PTPRO: variants seen among roughly 807,000 people sequenced by gnomAD.
PTPRO encodes receptor-type tyrosine-protein phosphatase O.
PTPRO carries 62 observed loss-of-function variants against 145.2 expected under a neutral mutation model. That is an observed-to-expected ratio of 0.43 (90% CI 0.35 to 0.53). The LOEUF is 0.53. PTPRO is among the 20% of genes least tolerant of loss of function. PTPRO has a pLI of 0.01. For missense variants in PTPRO, 1,345 were observed against 1,482.7 expected, an observed-to-expected ratio of 0.91 and a Z score of 1.53; for synonymous variants, 565 against 514.7, an observed-to-expected ratio of 1.10 and a Z score of -1.32.
At chr12:15,325,373 T>C (rs1866415773) in intron 1 of PTPRO, among the ~76,000 whole-genome samples, 1 of 152,242 alleles carries the variant, frequency 6.6e-6, no homozygotes, top group South Asian at 2.1e-4. Flanking sequence ...AAGAAGGTCT[T>C]TGTGCCATCG....
At chr12:15,580,161 A>G (rs1944279303) in intron 21 of PTPRO, 46 bp downstream of exon 21, 2 of 1,436,552 alleles carry the variant, frequency 1.4e-6, no homozygotes, top group Non-Finnish European at 9.7e-7. Context: ...AACCAGCCAG[A>G]GAAAGACTAG....
At chr12:15,428,182 G>A (rs1940335191) in intron 1 of PTPRO, among the ~76,000 whole-genome samples, 1 of 152,088 alleles carries the variant, frequency 6.6e-6, no homozygotes, top group Non-Finnish European at 1.5e-5. Flanking sequence ...AAGTGCTTTG[G>A]CAAAGGATGA....
chr12:15,414,356 A>G (rs1939885899), intron 1 of PTPRO, among the ~76,000 whole-genome samples: 1 of 152,224 alleles, frequency 6.6e-6, no homozygotes. Context: ...AAAGCATTCC[A>G]GAAGCATTCA....
intron 4 of PTPRO, among the ~76,000 whole-genome samples, chr12:15,500,586 A>C (rs1942200014): frequency 6.6e-6 from 1 of 152,156 alleles, no homozygotes; most frequent in Non-Finnish European, 1.5e-5. Context: ...AGAGGTACAA[A>C]GTTATTTAAC....
rs749869412 is a variant in PTPRO at position 15,551,631 on chromosome 12, A to G, written c.2518A>G (p.Thr840Ala). The change falls in exon 15 of 27, where the codon ACC becomes GCC. Residue 840 changes from threonine (T) to alanine (A), a missense_variant. Transcript: ENST00000281171. ...STLLIGLLLV[T>A]LIILRKKHLQ... ...ACTTTTAATTGGACTGTTGCTTGTT[A>G]CCCTCATTATTCTTAGGAAAAAGCA... 3 of 1,613,650 alleles carry G rather than the reference A, an allele frequency of 1.9e-6. No individual in the cohort carries two copies. Among genetic ancestry groups the G allele is most frequent in the African/African-American group, 1.3e-5 (1 of 75,014 alleles).
chr12:15,590,467 T>G (rs912907276), intron 25 of PTPRO, among the ~76,000 whole-genome samples: 2 of 152,198 alleles, frequency 1.3e-5, no homozygotes, highest in African/African-American at 4.8e-5. Flanking sequence ...TGGCCCGACC[T>G]GTAATCAGGG....
At chr12:15,367,584 T>A (rs1241361759) in intron 1 of PTPRO, among the ~76,000 whole-genome samples, 3 of 152,198 alleles carry the variant, frequency 2.0e-5, no homozygotes, top group Non-Finnish European at 4.4e-5. Context: ...TACAACTGTA[T>A]ACTTATGTTC....
At chr12:15,540,147 G>A (rs921323395) in intron 12 of PTPRO, among the ~76,000 whole-genome samples, 4 of 152,156 alleles carry the variant, frequency 2.6e-5, no homozygotes, top group Admixed American at 6.5e-5. Flanking sequence ...TTCAGACAGT[G>A]CTTTCTTTTG....
intron 8 of PTPRO, 59 bp downstream of exon 8, chr12:15,515,677 G>A (rs1270809332): frequency 2.5e-6 from 4 of 1,603,280 alleles, no homozygotes; most frequent in South Asian, 1.1e-5. Context: ...TGACGGAGGG[G>A]TGCAATGTGC....
chr12:15,496,830 C>A (rs577693810), intron 2 of PTPRO, among the ~76,000 whole-genome samples: 13 of 152,234 alleles, frequency 8.5e-5, no homozygotes, highest in Admixed American at 2.6e-4. Flanking sequence ...TGGTCTGTTA[C>A]TGATATCAAA....
At chr12:15,574,204 T>C (rs1396966105) in intron 19 of PTPRO, among the ~76,000 whole-genome samples, 10 of 152,188 alleles carry the variant, frequency 6.6e-5, no homozygotes. Context: ...ACTGAATAAA[T>C]TTCTTTTTTA....
At chr12:15,485,632 C>T (rs936216212) in intron 2 of PTPRO, among the ~76,000 whole-genome samples, 10 of 152,096 alleles carry the variant, frequency 6.6e-5, no homozygotes. Flanking sequence ...TAATGACGGT[C>T]GCTGATCCAA....
At chr12:15,333,150 G>A (rs1334912284) in intron 1 of PTPRO, among the ~76,000 whole-genome samples, 1 of 152,162 alleles carries the variant, frequency 6.6e-6, no homozygotes, top group African/African-American at 2.4e-5. Flanking sequence ...TGAGAAAAAT[G>A]CATGGCACAT....
intron 1 of PTPRO, among the ~76,000 whole-genome samples, chr12:15,332,777 A>C (rs1165353561): frequency 2.0e-5 from 3 of 152,076 alleles, no homozygotes; most frequent in Non-Finnish European, 4.4e-5. Flanking sequence ...TGTTTTGTTG[A>C]TTTGGTTTGG....
At chr12:15,509,871 A>C (rs4463894) in intron 7 of PTPRO, among the ~76,000 whole-genome samples, 102,030 of 151,326 alleles carry the variant, frequency 0.67, 34,943 homozygotes, top group Admixed American at 0.73. Context: ...ATATGCCAGA[A>C]CAAACCCTAG....
chr12:15,577,525 G>A (rs1049590527), intron 19 of PTPRO, among the ~76,000 whole-genome samples: 19 of 152,146 alleles, frequency 1.2e-4, no homozygotes, highest in African/African-American at 1.9e-4. Context: ...AAGACCCTCC[G>A]AAATTCTTCT....
rs747379253 is a variant in PTPRO, at chr12:15,552,795, CTTTTT to C, written c.2558+1142_2558+1146del. On this transcript the variant is annotated intron_variant, in intron 15 of 26. Transcript: ENST00000281171. ...GAAATTACACTCCTTGAGGTCAAAT[CTTTTT>C]TTTTTTTTTTTTTTTTTGAGACAGA... Among the ~76,000 whole-genome samples the C allele has an allele frequency of 3.3e-3, 304 of 91,562 alleles. 1 individual carries two copies. Among genetic ancestry groups the C allele is most frequent in the African/African-American group, 0.012 (272 of 23,330 alleles). The allele number at this position is 91,562 out of a possible 152,430, so 60.1% of individuals were successfully genotyped here.
At chr12:15,540,919 G>A (rs547503049) in intron 12 of PTPRO, among the ~76,000 whole-genome samples, 1 of 152,322 alleles carries the variant, frequency 6.6e-6, no homozygotes, top group East Asian at 1.9e-4. Flanking sequence ...CAAACCCGGA[G>A]AGGCATGGAA....
intron 7 of PTPRO, among the ~76,000 whole-genome samples, chr12:15,514,554 G>T (rs1405104013): frequency 6.6e-6 from 1 of 151,698 alleles, no homozygotes; most frequent in East Asian, 1.9e-4. Context: ...CAGCCTGGCA[G>T]GGTGCTTACC....
Sources: gnomAD v4.1 joint callset for allele counts (sites outside exome capture counted in the v4.1 genomes callset) on GRCh38, gnomAD v4.1.1 for gene constraint, MANE v1.5 for transcripts, NCBI Gene and HGNC (gene_info 2026-07-23, HGNC 2026-07-21) for gene names.